The following SGSM1 variants were observed in gnomAD, a reference collection of about 807,000 sequenced individuals.
The protein encoded by SGSM1 is RUN and TBC1 domain containing 2.
Under a neutral mutation model 133.8 loss-of-function variants are expected in SGSM1, and 73 were observed. The observed-to-expected ratio is 0.55, with a 90% CI of 0.45 to 0.66. The LOEUF (loss-of-function observed/expected upper bound fraction) is 0.66, where lower values mean the gene tolerates loss of function less well. SGSM1 is among the 30% of genes least tolerant of loss of function. SGSM1 has a pLI of 0.00. For missense variants in SGSM1, 1,213 were observed against 1,448.1 expected (o/e 0.84, Z 2.64); for synonymous variants, 563 against 573.0 (o/e 0.98, Z 0.25).
At position 24,810,981 on chromosome 22, in the gene SGSM1, G is replaced by A. The variant is rs375229236; in HGVS notation, c.63+4497G>A. ...ATGAAGGGGAGCAGTTTTGTCTCCC[G>A]TCCCTAGGTTTGGTTGCCAGATAAC... is the stretch of plus-strand genomic sequence containing the variant. On this transcript the variant is annotated intron_variant, in intron 2 of 24. Transcript: ENST00000400358. Among the ~76,000 whole-genome samples the A allele has an allele frequency of 5.1e-4, 77 of 152,250 alleles. 1 individual carries two copies. In the South Asian group the frequency reaches 0.014, roughly 27 times the overall value.
At chr22:24,900,388 T>TC in intron 19 of SGSM1, among the ~76,000 whole-genome samples, 5 of 75,060 alleles carry the variant, frequency 6.7e-5, no homozygotes, top group African/African-American at 2.3e-4. Context: ...TCTTTCTTTC[T>TC]TTCTTTCTTT....
At chr22:24,914,476 C>G (rs1933749297) in intron 22 of SGSM1, among the ~76,000 whole-genome samples, 2 of 151,128 alleles carry the variant, frequency 1.3e-5, no homozygotes, top group Admixed American at 1.3e-4. Context: ...ACTCTGTCCC[C>G]CCCCCCAAAA....
At position 24,855,035 on chromosome 22, in the gene SGSM1, G is replaced by A; in HGVS notation, c.495G>A (p.Val165=). 1 of 1,613,434 alleles carries A rather than the reference G, an allele frequency of 6.2e-7. No individual in the cohort carries two copies. Among genetic ancestry groups the A allele is most frequent in the South Asian group, 1.1e-5 (1 of 90,876 alleles). The stretch of plus-strand genomic sequence containing the variant: ...AGGAAGCTCTCCTGATGGACCCTGT[G>A]GACGGCCCCATCCTTGCATCTTTGT... ...YEKEALLMDP[V]DGPILASLLV... Residue 165 remains valine, a synonymous_variant, in exon 6 of 25, where the codon GTG becomes GTA. Transcript: ENST00000400358.
chr22:24,905,157 C>T lies in SGSM1; in HGVS notation c.2788C>T (p.Leu930=). The T allele has an allele frequency of 6.2e-7, 1 of 1,614,016 alleles. No individual in the cohort carries two copies. Among genetic ancestry groups the T allele is most frequent in the Non-Finnish European group, 8.5e-7 (1 of 1,179,880 alleles). The change falls in exon 21 of 25, where the codon CTG becomes TTG. Residue 930 remains leucine, a synonymous_variant. Coordinates refer to ENST00000400358, the MANE Select transcript of SGSM1 (RefSeq NM_001098497.3). Reference sequence around the variant, plus strand: ...CTATGTCCAGGGCATGTGTGATCTTCTGGCTCCACTGCTGGTCATTCTGGA... The same window carrying T: ...CTATGTCCAGGGCATGTGTGATCTTTTGGCTCCACTGCTGGTCATTCTGGA... ...IGYVQGMCDL[L]APLLVILDDE... is the part of the protein sequence containing the mutation.
chr22:24,830,354 G>A (rs1429259164), intron 2 of SGSM1, among the ~76,000 whole-genome samples: 2 of 152,180 alleles, frequency 1.3e-5, no homozygotes, highest in Non-Finnish European at 2.9e-5. Context: ...GGGTAAGAAG[G>A]TTGCAGCCAG....
At chr22:24,889,495 C>T (rs1413388605) in intron 16 of SGSM1, among the ~76,000 whole-genome samples, 1 of 150,920 alleles carries the variant, frequency 6.6e-6, no homozygotes, top group Non-Finnish European at 1.5e-5. Flanking sequence ...CTGCAACCTC[C>T]GTCTCCCAGG....
At chr22:24,806,526 A>G (rs1217972247) in intron 2 of SGSM1, 42 bp downstream of exon 2, 58 of 1,486,602 alleles carry the variant, frequency 3.9e-5, no homozygotes, top group Non-Finnish European at 5.1e-5. Context: ...CTCCCCCGGC[A>G]GCAGCGGCCA....
At chr22:24,840,760 G>T (rs552409678) in intron 2 of SGSM1, among the ~76,000 whole-genome samples, 1 of 152,186 alleles carries the variant, frequency 6.6e-6, no homozygotes, top group South Asian at 2.1e-4. Flanking sequence ...TTTAATGTAA[G>T]CATTTCCAGC....
chr22:24,883,422 C>G (rs1286936832), intron 14 of SGSM1, among the ~76,000 whole-genome samples: 1 of 152,150 alleles, frequency 6.6e-6, no homozygotes, highest in African/African-American at 2.4e-5. Context: ...CACAGCAAGC[C>G]CACAGAGTCA....
chr22:24,887,492 C>T (rs925856530), intron 16 of SGSM1, among the ~76,000 whole-genome samples: 10 of 152,134 alleles, frequency 6.6e-5, no homozygotes, highest in African/African-American at 2.4e-4. Flanking sequence ...TGTTGCTAGA[C>T]AGCTGAGTTG....
intron 2 of SGSM1, among the ~76,000 whole-genome samples, chr22:24,825,406 CACTT>C (rs1380912083): frequency 6.6e-5 from 10 of 152,066 alleles, no homozygotes; most frequent in South Asian, 4.1e-4. Context: ...CCGCTGTGCT[CACTT>C]ACTAAGTTAT....
intron 18 of SGSM1, 138 bp downstream of exon 18, chr22:24,895,429 T>C: frequency 1.2e-6 from 1 of 858,550 alleles, no homozygotes. Flanking sequence ...TTAAACATTG[T>C]TTTTTGTTTT....
intron 8 of SGSM1, 129 bp downstream of exon 8, chr22:24,855,809 C>T (rs959857916): frequency 3.7e-6 from 5 of 1,334,082 alleles, no homozygotes; most frequent in Admixed American, 1.9e-5. Flanking sequence ...CACACATCCA[C>T]CCGCCCAACA....
At chr22:24,850,162 T>C in intron 4 of SGSM1, 118 bp from the exon 5 acceptor site, 1 of 1,094,880 alleles carries the variant, frequency 9.1e-7, no homozygotes, top group Non-Finnish European at 1.3e-6. Flanking sequence ...TGGGCTCTTC[T>C]TGTTTAGCTG....
intron 21 of SGSM1, among the ~76,000 whole-genome samples, chr22:24,907,277 A>G (rs1933421303): frequency 8.1e-6 from 1 of 124,072 alleles, no homozygotes; most frequent in African/African-American, 5.1e-5. Flanking sequence ...ATAAATAAAT[A>G]AATAAATAAA....
intron 24 of SGSM1, among the ~76,000 whole-genome samples, chr22:24,920,887 T>C (rs1303735310): frequency 2.0e-5 from 3 of 152,154 alleles, no homozygotes; most frequent in African/African-American, 7.2e-5. Context: ...CCCTGGTACA[T>C]TTGCCAAAAC....
At chr22:24,890,177 C>T (rs554904138) in intron 16 of SGSM1, among the ~76,000 whole-genome samples, 27 of 151,568 alleles carry the variant, frequency 1.8e-4, no homozygotes, top group Non-Finnish European at 2.9e-4. Flanking sequence ...AGGATGGTCT[C>T]GATCTCCTGA....
chr22:24,890,245 C>A (rs531817009), intron 16 of SGSM1, among the ~76,000 whole-genome samples: 1 of 152,240 alleles, frequency 6.6e-6, no homozygotes. Context: ...CATGAGCCAC[C>A]ACGCCCGGAC....
At position 24,924,239 on chromosome 22, in the gene SGSM1, G is replaced by T. The variant is rs1258882918; in HGVS notation, c.3247G>T (p.Val1083Leu). 2.5e-6 allele frequency: 4 copies of T among 1,613,856 alleles called. No homozygotes were observed. The highest frequency in any genetic ancestry group is 3.4e-6 in the Non-Finnish European group (4 of 1,179,904). ...KQVLKLARDL[V>L]YKVQTLIENK The stretch of plus-strand genomic sequence containing the variant: ...AGTCCTGAAGCTGGCGCGGGACCTC[G>T]TGTACAAGGTGCAGACTCTGATTGA... The change falls in exon 25 of 25, where the codon GTG (valine) becomes TTG (leucine). Residue 1083 changes from valine (V) to leucine (L), a missense_variant. Physicochemically the swap from Val to Leu is conservative, Grantham distance 32 (BLOSUM62 1). Transcript: ENST00000400358.
Sources: gnomAD v4.1 joint callset for allele counts (sites outside exome capture counted in the v4.1 genomes callset) on GRCh38, gnomAD v4.1.1 for gene constraint, MANE v1.5 for transcripts, NCBI Gene and HGNC (gene_info 2026-07-23, HGNC 2026-07-21) for gene names.